Variants in DLGAP4 observed in about 807,000 individuals in gnomAD.
DLGAP4 encodes the protein disks large-associated protein 4.
In DLGAP4, 18 loss-of-function variants were observed where a neutral mutation model predicts 86.9. The ratio of observed to expected loss-of-function variants is 0.21; its 90% CI spans 0.14 to 0.31. The LOEUF is 0.31. Among genes scored for constraint, DLGAP4 ranks in the 10% least tolerant of loss-of-function variants. The probability of loss-of-function intolerance (pLI) is 1.00; values close to 1 mark genes in which losing one functional copy is unlikely to be tolerated. For synonymous variants in DLGAP4, 548 were observed against 574.3 expected (o/e 0.95, Z 0.65); for missense variants, 1,085 against 1,362.6 (o/e 0.80, Z 3.21).
intron 10 of DLGAP4, among the ~76,000 whole-genome samples, chr20:36,505,073 C>T (rs1185389758): frequency 6.6e-6 from 1 of 151,964 alleles, no homozygotes; most frequent in Non-Finnish European, 1.5e-5. Context: ...CTGCAACCTC[C>T]GCCTGCTGGG....
chr20:36,404,264 G>A (rs2032246842), intron 2 of DLGAP4, among the ~76,000 whole-genome samples: 1 of 152,158 alleles, frequency 6.6e-6, no homozygotes, highest in African/African-American at 2.4e-5. Context: ...GTTCCTGTAG[G>A]TCTATGGTAG....
chr20:36,412,324 C>G (rs936205726), intron 2 of DLGAP4, among the ~76,000 whole-genome samples: 5 of 152,254 alleles, frequency 3.3e-5, no homozygotes, highest in Admixed American at 6.5e-5. Context: ...AGCCTTTGCA[C>G]AGTCCTCCCC....
At chr20:36,370,921 C>T (rs1036272758) in intron 2 of DLGAP4, among the ~76,000 whole-genome samples, 2 of 152,230 alleles carry the variant, frequency 1.3e-5, no homozygotes, top group African/African-American at 4.8e-5. Flanking sequence ...GGGGGCCAAA[C>T]TGCAATTTTC....
chr20:36,380,593 AAGAGAGAGAGAGAGAGAGAG>A (rs57814145), intron 2 of DLGAP4, among the ~76,000 whole-genome samples: 2,152 of 97,102 alleles, frequency 0.022, 79 homozygotes, highest in South Asian at 0.042. Context: ...GTCTGCATTA[AAGAGAGAGAGAGAGAGAGAG>A]AGAGAGAGAG....
rs770783607 is a variant in DLGAP4 at position 36,500,300 on chromosome 20, C to T, written c.2201C>T (p.Pro734Leu). The change falls in exon 10 of 13, where the codon CCG becomes CTG. Residue 734 changes from proline to leucine, a missense_variant. Transcript: ENST00000339266. The surrounding 1 kb of genome is among the most constrained non-coding windows in gnomAD (Gnocchi z 4.6). ...SSCKSSERSL[P>L]DCTPHPNSIS... ...TGTAAGTCATCTGAGAGGAGCCTCCCGGACTGTACCCCTCACCCCAACTCC... is the reference window on the plus strand; with the variant it reads ...TGTAAGTCATCTGAGAGGAGCCTCCTGGACTGTACCCCTCACCCCAACTCC... 56 of 1,613,904 alleles carry T rather than the reference C, an allele frequency of 3.5e-5. No individual in the cohort carries two copies. In the Middle Eastern group the frequency reaches 1.2e-3, roughly 33 times the overall value.
At chr20:36,475,691 G>C (rs1178563604) in intron 7 of DLGAP4, among the ~76,000 whole-genome samples, 1 of 152,294 alleles carries the variant, frequency 6.6e-6, no homozygotes, top group African/African-American at 2.4e-5. Context: ...CACAAATACA[G>C]TTAACTCAAA....
chr20:36,412,571 C>T (rs2032529607), intron 2 of DLGAP4, among the ~76,000 whole-genome samples: 1 of 152,214 alleles, frequency 6.6e-6, no homozygotes, highest in Non-Finnish European at 1.5e-5. Context: ...AATCATTTCT[C>T]TCTATGCCTC....
At chr20:36,459,769 G>C (rs909693983) in intron 7 of DLGAP4, among the ~76,000 whole-genome samples, 1 of 152,138 alleles carries the variant, frequency 6.6e-6, no homozygotes, top group Admixed American at 6.6e-5. Flanking sequence ...CTCCATGCCC[G>C]GCTAATTTTG....
chr20:36,456,408 T>G (rs1291988931), intron 7 of DLGAP4, among the ~76,000 whole-genome samples: 4 of 152,138 alleles, frequency 2.6e-5, no homozygotes, highest in African/African-American at 9.7e-5. Context: ...TCTAGCAACA[T>G]GGGCAGGATG....
In DLGAP4 at chr20:36,498,027, G is replaced by A. The variant is rs192529018; in HGVS notation, c.2010+961G>A. ...CAAGCCCAGGGGTTGAGTCAGGGAG[G>A]ACGAGGCATTGTGTGTTGTGGCACA... On this transcript the variant is annotated intron_variant, in intron 8 of 12. Coordinates refer to ENST00000339266, the MANE Select transcript of DLGAP4 (RefSeq NM_001365621.2). 1.2e-3 allele frequency: 178 copies of A among 152,398 alleles called. 1 individual carries two copies. The highest frequency in any genetic ancestry group is 1.6e-3 in the Non-Finnish European group (111 of 68,112). The allele number at this position is 152,398 out of a possible 1,614,324, so 9.4% of individuals were successfully genotyped here. A position where few individuals can be genotyped will look rare whatever the true frequency, so the allele number is the denominator to read the frequency against.
At chr20:36,343,130 T>C (rs1233863883) in intron 1 of DLGAP4, among the ~76,000 whole-genome samples, 1 of 152,150 alleles carries the variant, frequency 6.6e-6, no homozygotes, top group Non-Finnish European at 1.5e-5. Flanking sequence ...GGAAAGCCTC[T>C]GAAGTGCCGG....
chr20:36,472,951 G>A (rs976729179), intron 7 of DLGAP4, among the ~76,000 whole-genome samples: 7 of 152,184 alleles, frequency 4.6e-5, no homozygotes, highest in Admixed American at 2.0e-4. Context: ...AGGCAGTGGC[G>A]TCCTGGCCTG....
chr20:36,354,791 A>G (rs1169704460), intron 1 of DLGAP4, among the ~76,000 whole-genome samples: 4 of 151,956 alleles, frequency 2.6e-5, no homozygotes, highest in Non-Finnish European at 4.4e-5. Context: ...AAAAGAAAAA[A>G]ATTGGCCAGG....
intron 1 of DLGAP4, among the ~76,000 whole-genome samples, chr20:36,354,444 C>A (rs2030260372): frequency 6.6e-6 from 1 of 152,210 alleles, no homozygotes; most frequent in South Asian, 2.1e-4. Flanking sequence ...CAGTGCACAA[C>A]AAACACCGCA....
intron 7 of DLGAP4, chr20:36,462,003 G>A: frequency 1.0e-6 from 1 of 984,870 alleles, no homozygotes; most frequent in Non-Finnish European, 1.2e-6. Context: ...GATCTTTTGG[G>A]GTTCCCCTTG....
At chr20:36,436,761 A>G (rs1012082534) in intron 4 of DLGAP4, among the ~76,000 whole-genome samples, 1 of 151,240 alleles carries the variant, frequency 6.6e-6, no homozygotes, top group Admixed American at 6.6e-5. Context: ...GATTGCAGTG[A>G]GCCGAGATCG....
intron 1 of DLGAP4, among the ~76,000 whole-genome samples, chr20:36,339,703 C>T (rs1555892331): frequency 6.6e-6 from 1 of 152,208 alleles, no homozygotes; most frequent in East Asian, 1.9e-4. Flanking sequence ...TTAGAGGAGG[C>T]CAGAGTGGAG....
At chr20:36,526,061 TA>T (rs1204044031) in intron 12 of DLGAP4, 55 bp downstream of exon 12, 8 of 1,611,836 alleles carry the variant, frequency 5.0e-6, no homozygotes, top group Middle Eastern at 1.7e-4. Context: ...TGGTCGGCAA[TA>T]ACGCTGCCCA....
chr20:36,436,395 C>A, intron 4 of DLGAP4, 45 bp downstream of exon 4: 1 of 1,531,028 alleles, frequency 6.5e-7, no homozygotes, highest in South Asian at 1.2e-5. Context: ...AGAGGCAAGC[C>A]CCGCCCACTA....
Sources: allele counts gnomAD v4.1 joint callset (sites outside exome capture counted in the v4.1 genomes callset), GRCh38; gene constraint gnomAD v4.1.1; non-coding constraint Gnocchi (gnomAD v3.1); transcripts MANE v1.5; gene names NCBI Gene and HGNC (gene_info 2026-07-23, HGNC 2026-07-21).